The following PHF20 variants were observed in gnomAD, a reference collection of about 807,000 sequenced individuals.
The protein encoded by PHF20 is PHD finger protein 20.
A neutral mutation model predicts 113.5 loss-of-function variants in PHF20; 23 were observed. That is an observed-to-expected ratio of 0.20 (90% CI 0.15 to 0.29). The LOEUF (loss-of-function observed/expected upper bound fraction) is 0.29, where lower values mean the gene tolerates loss of function less well. Among genes scored for constraint, PHF20 ranks in the 10% least tolerant of loss-of-function variants. The pLI, the probability that PHF20 is intolerant of heterozygous loss-of-function variation, is 1.00. For missense variants in PHF20, 943 were observed against 1,219.6 expected, an observed-to-expected ratio of 0.77 and a Z score of 3.38; for synonymous variants, 434 against 457.3, an observed-to-expected ratio of 0.95 and a Z score of 0.65.
intron 3 of PHF20, among the ~76,000 whole-genome samples, chr20:35,843,346 C>T (rs1470612353): frequency 6.6e-6 from 1 of 150,872 alleles, no homozygotes; most frequent in African/African-American, 2.4e-5. Context: ...GGTGAAACCC[C>T]ACCTCTACTA....
At chr20:35,773,630 C>T (rs924408489) in intron 1 of PHF20, among the ~76,000 whole-genome samples, 37 of 152,152 alleles carry the variant, frequency 2.4e-4, no homozygotes, top group African/African-American at 8.2e-4. Flanking sequence ...TTGCCCAATC[C>T]CCAAACATTT....
chr20:35,828,054 G>C (rs966762982), intron 2 of PHF20, among the ~76,000 whole-genome samples: 1 of 151,728 alleles, frequency 6.6e-6, no homozygotes, highest in Non-Finnish European at 1.5e-5. Flanking sequence ...ACAGAGTTTC[G>C]CTCTTGTTGC....
At chr20:35,826,910 G>T (rs1484593385) in intron 2 of PHF20, among the ~76,000 whole-genome samples, 1 of 152,154 alleles carries the variant, frequency 6.6e-6, no homozygotes, top group Non-Finnish European at 1.5e-5. Flanking sequence ...GTTGATTAAT[G>T]GAAGTGGTGA....
At chr20:35,913,226 C>T in intron 10 of PHF20, 23 bp from the exon 11 acceptor site, 2 of 1,526,508 alleles carry the variant, frequency 1.3e-6, no homozygotes, top group Non-Finnish European at 1.8e-6. Flanking sequence ...TGTTAAAATG[C>T]CAACATTTGT....
rs1011869443 is a variant in PHF20 at position 35,924,172 on chromosome 20, A to ATTTTC, written c.2005-3588_2005-3584dup. On this transcript the variant is annotated intron_variant, in intron 13 of 17. Transcript: ENST00000374012. The stretch of plus-strand genomic sequence containing the variant: ...CAAATGTTTGCATTTTATGTATAGT[A>ATTTTC]TTTTCTTTTCTTTTCTTTTCTTTTT... Among the ~76,000 whole-genome samples, 716 of 135,838 alleles carry ATTTTC rather than the reference A, an allele frequency of 5.3e-3. 7 individuals carry two copies. The highest frequency in any genetic ancestry group is 0.018 in the African/African-American group (667 of 36,218). The allele number at this position is 135,838 out of a possible 152,430, so 89.1% of individuals were successfully genotyped here.
intron 1 of PHF20, among the ~76,000 whole-genome samples, chr20:35,783,532 TC>T (rs988687590): frequency 1.3e-5 from 2 of 152,056 alleles, no homozygotes; most frequent in Non-Finnish European, 2.9e-5. Flanking sequence ...TCCTCCTGCC[TC>T]ATCCTCGTGA....
At chr20:35,785,500 A>G (rs1253263794) in intron 1 of PHF20, among the ~76,000 whole-genome samples, 2 of 151,292 alleles carry the variant, frequency 1.3e-5, no homozygotes, top group Non-Finnish European at 3.0e-5. Flanking sequence ...TTATATTTTT[A>G]GTAGAGATGG....
At chr20:35,778,677 C>T (rs1446395704) in intron 1 of PHF20, among the ~76,000 whole-genome samples, 1 of 150,738 alleles carries the variant, frequency 6.6e-6, no homozygotes, top group Non-Finnish European at 1.5e-5. Context: ...GGCTTGAACC[C>T]GAGAGGCAGA....
chr20:35,877,038 C>T (rs1266879392), intron 9 of PHF20, among the ~76,000 whole-genome samples: 2 of 136,894 alleles, frequency 1.5e-5, no homozygotes, highest in Non-Finnish European at 3.1e-5. Context: ...ACCTGGGAGG[C>T]GGAGCTTGCA....
At chr20:35,926,093 G>T (rs2055625001) in intron 13 of PHF20, among the ~76,000 whole-genome samples, 1 of 133,082 alleles carries the variant, frequency 7.5e-6, no homozygotes, top group Non-Finnish European at 1.6e-5. Context: ...CTGCACTCCA[G>T]CCTGGGTGAC....
At chr20:35,885,516 G>C (rs56222276) in intron 9 of PHF20, among the ~76,000 whole-genome samples, 1 of 64,300 alleles carries the variant, frequency 1.6e-5, no homozygotes, top group South Asian at 4.7e-4. Flanking sequence ...TTAAAAATGA[G>C]ATCTTCAGTT....
intron 2 of PHF20, among the ~76,000 whole-genome samples, chr20:35,839,623 C>T (rs1191141085): frequency 6.6e-6 from 1 of 152,096 alleles, no homozygotes; most frequent in Non-Finnish European, 1.5e-5. Flanking sequence ...AGACAATTAG[C>T]CAGTCTGTTG....
intron 2 of PHF20, among the ~76,000 whole-genome samples, chr20:35,840,625 G>T (rs925645476): frequency 1.8e-4 from 28 of 152,098 alleles, no homozygotes; most frequent in Non-Finnish European, 1.5e-5. Flanking sequence ...CTGATGATTA[G>T]ACATTAGGCT....
chr20:35,800,606 A>T (rs2041762080), intron 1 of PHF20, among the ~76,000 whole-genome samples: 1 of 152,058 alleles, frequency 6.6e-6, no homozygotes, highest in African/African-American at 2.4e-5. Context: ...CCCAATCTCT[A>T]CTCAAAATAC....
intron 9 of PHF20, among the ~76,000 whole-genome samples, chr20:35,880,232 G>A (rs905326113): frequency 3.3e-4 from 51 of 152,274 alleles, no homozygotes; most frequent in African/African-American, 1.2e-3. Flanking sequence ...GTACTTGCAC[G>A]GGAACCTGAA....
chr20:35,884,671 A>G (rs2054694351), intron 9 of PHF20, among the ~76,000 whole-genome samples: 1 of 152,230 alleles, frequency 6.6e-6, no homozygotes, highest in African/African-American at 2.4e-5. Context: ...ACATCTATGT[A>G]GCATGGGTTA....
chr20:35,886,390 T>C lies in PHF20; in HGVS notation c.1283-12980T>C, dbSNP rs1213586014. On this transcript the variant is annotated intron_variant, in intron 9 of 17. Coordinates refer to ENST00000374012, the MANE Select transcript of PHF20 (RefSeq NM_016436.5). ...ATCCGCCTGCCTCACCCTCCCAAAG[T>C]GTTGGGATTACAGGTGTGAGCCACT... 2.6e-5 allele frequency among the ~76,000 whole-genome samples: 4 copies of C among 152,178 alleles called. No homozygotes were observed. In the East Asian group the frequency reaches 7.7e-4, roughly 29 times the overall value.
chr20:35,915,279 C>T (rs2055383115), intron 12 of PHF20, among the ~76,000 whole-genome samples: 1 of 150,404 alleles, frequency 6.6e-6, no homozygotes, highest in African/African-American at 2.4e-5. Flanking sequence ...TATTTGTTCA[C>T]ACACACGACT....
At chr20:35,924,715 C>T (rs1296840388) in intron 13 of PHF20, among the ~76,000 whole-genome samples, 1 of 152,020 alleles carries the variant, frequency 6.6e-6, no homozygotes, top group Non-Finnish European at 1.5e-5. Flanking sequence ...GCCTCAGCCT[C>T]CTGAGTAGCT....
Sources: gnomAD v4.1 joint callset for allele counts (sites outside exome capture counted in the v4.1 genomes callset) on GRCh38, gnomAD v4.1.1 for gene constraint, MANE v1.5 for transcripts, NCBI Gene and HGNC (gene_info 2026-07-23, HGNC 2026-07-21) for gene names.